The following ERBB4 variants were observed in gnomAD, a reference collection of about 807,000 sequenced individuals.
ERBB4 encodes receptor tyrosine-protein kinase erbB-4.
In ERBB4, 42 loss-of-function variants were observed where a neutral mutation model predicts 158.0. The observed-to-expected ratio is 0.27, with a 90% CI of 0.21 to 0.34. The LOEUF is 0.34. Among genes scored for constraint, ERBB4 ranks in the 10% least tolerant of loss-of-function variants. The pLI is 1.00. For missense variants in ERBB4, 1,333 were observed against 1,624.1 expected, an observed-to-expected ratio of 0.82 and a Z score of 3.08; for synonymous variants, 583 against 558.7, an observed-to-expected ratio of 1.04 and a Z score of -0.61.
intron 18 of ERBB4, among the ~76,000 whole-genome samples, chr2:211,620,168 G>A (rs2069544137): frequency 6.6e-6 from 1 of 152,104 alleles, no homozygotes; most frequent in South Asian, 2.1e-4. Context: ...ATTTTAAAAG[G>A]TGTATTTTCC....
At chr2:211,979,336 G>T (rs1005017148) in intron 2 of ERBB4, among the ~76,000 whole-genome samples, 10 of 152,104 alleles carry the variant, frequency 6.6e-5, no homozygotes, top group African/African-American at 2.4e-4. Flanking sequence ...TGAGCAAATT[G>T]CCTATAGCAA....
At chr2:212,533,073 A>T (rs1692842697) in intron 1 of ERBB4, among the ~76,000 whole-genome samples, 1 of 152,212 alleles carries the variant, frequency 6.6e-6, no homozygotes. Context: ...AATAACCAAC[A>T]ACTCAGAAAA....
intron 1 of ERBB4, among the ~76,000 whole-genome samples, chr2:212,479,854 G>A (rs745573275): frequency 1.1e-4 from 16 of 152,132 alleles, no homozygotes; most frequent in Non-Finnish European, 2.1e-4. Context: ...GAAAGTGAAT[G>A]TCATTTTAAC....
intron 1 of ERBB4, among the ~76,000 whole-genome samples, chr2:212,509,699 T>C (rs1691398168): frequency 6.6e-6 from 1 of 152,028 alleles, no homozygotes; most frequent in African/African-American, 2.4e-5. Flanking sequence ...ATCTTGTTTA[T>C]GAAGCATCTA....
intron 1 of ERBB4, among the ~76,000 whole-genome samples, chr2:212,175,112 C>G (rs1286239934): frequency 6.6e-6 from 1 of 152,024 alleles, no homozygotes; most frequent in African/African-American, 2.4e-5. Context: ...GTCACCATAT[C>G]ATCTCTAAAA....
At chr2:212,512,724 G>A (rs1691594638) in intron 1 of ERBB4, among the ~76,000 whole-genome samples, 1 of 151,964 alleles carries the variant, frequency 6.6e-6, no homozygotes, top group Non-Finnish European at 1.5e-5. Context: ...CATGCACCTT[G>A]ATTATAACAC....
chr2:212,033,954 C>A (rs954852167), intron 2 of ERBB4, among the ~76,000 whole-genome samples: 10 of 151,818 alleles, frequency 6.6e-5, no homozygotes, highest in South Asian at 2.1e-4. Flanking sequence ...AAATCATAAT[C>A]AAAAATGAAT....
intron 3 of ERBB4, among the ~76,000 whole-genome samples, chr2:211,883,612 C>A (rs1191316560): frequency 6.6e-6 from 1 of 151,780 alleles, no homozygotes; most frequent in African/African-American, 2.4e-5. Context: ...TGAAAGAAAC[C>A]CTGTCTCCAC....
In ERBB4 at chr2:212,445,368, C is replaced by T. The variant is rs535996820; in HGVS notation, c.82+93081G>A. Among the ~76,000 whole-genome samples the T allele has an allele frequency of 2.6e-5, 4 of 152,228 alleles. No individual in the cohort carries two copies. In the South Asian group the frequency reaches 8.3e-4, roughly 32 times the overall value. On this transcript the variant is annotated intron_variant, in intron 1 of 27. Transcript: ENST00000342788. ...GATCCACTAGCAAAATTTTTGCTTC[C>T]TGTTCCTGCGGCATTACATTCTGCT...
chr2:211,623,107 G>C (rs896808601), intron 18 of ERBB4, among the ~76,000 whole-genome samples: 3 of 134,004 alleles, frequency 2.2e-5, no homozygotes, highest in Non-Finnish European at 3.1e-5. Flanking sequence ...TTCAGCATTT[G>C]CCCAGAAGAG....
intron 3 of ERBB4, among the ~76,000 whole-genome samples, chr2:211,808,131 T>C (rs1048379413): frequency 2.0e-5 from 3 of 152,240 alleles, no homozygotes; most frequent in African/African-American, 7.2e-5. Flanking sequence ...TTTAGTTTAA[T>C]TAGATCCCAT....
chr2:211,521,224 A>C (rs1480523209), intron 20 of ERBB4, among the ~76,000 whole-genome samples: 1 of 152,166 alleles, frequency 6.6e-6, no homozygotes, highest in Non-Finnish European at 1.5e-5. Flanking sequence ...GAATGCAGAC[A>C]AAGAGTTACT....
At chr2:211,924,143 C>T (rs1168882299) in intron 3 of ERBB4, among the ~76,000 whole-genome samples, 1 of 152,160 alleles carries the variant, frequency 6.6e-6, no homozygotes, top group Non-Finnish European at 1.5e-5. Flanking sequence ...AGACTTGTCC[C>T]TATTAGTCCT....
At chr2:212,030,257 T>G (rs2076871138) in intron 2 of ERBB4, among the ~76,000 whole-genome samples, 1 of 152,104 alleles carries the variant, frequency 6.6e-6, no homozygotes, top group East Asian at 1.9e-4. Flanking sequence ...CCTATTTCAC[T>G]ACCTTTATCC....
In ERBB4 at chr2:212,330,989, A is replaced by G. The variant is rs149569522; in HGVS notation, c.83-206086T>C. ...AATATTTGCAACCAGAAGGATCTGAAGCCAAAGTATGTGCTTTTTCCTGCA... is the reference window on the plus strand; with the variant it reads ...AATATTTGCAACCAGAAGGATCTGAGGCCAAAGTATGTGCTTTTTCCTGCA... On this transcript the variant is annotated intron_variant, in intron 1 of 27. Transcript: ENST00000342788. 2.1e-3 allele frequency among the ~76,000 whole-genome samples: 302 copies of G among 146,562 alleles called. 1 individual carries two copies. Among genetic ancestry groups the G allele is most frequent in the Non-Finnish European group, 3.6e-3 (238 of 66,588 alleles).
At chr2:212,187,841 G>A (rs1299299212) in intron 1 of ERBB4, among the ~76,000 whole-genome samples, 1 of 152,052 alleles carries the variant, frequency 6.6e-6, no homozygotes, top group Non-Finnish European at 1.5e-5. Context: ...AATATTAGAA[G>A]TGATGTTATG....
intron 25 of ERBB4, among the ~76,000 whole-genome samples, chr2:211,406,280 C>A (rs2063146247): frequency 6.6e-6 from 1 of 152,062 alleles, no homozygotes; most frequent in Non-Finnish European, 1.5e-5. Flanking sequence ...AGTGGGAAAC[C>A]ATTAGTTCAG....
intron 19 of ERBB4, among the ~76,000 whole-genome samples, chr2:211,586,122 A>C (rs183758584): frequency 6.6e-5 from 10 of 152,306 alleles, no homozygotes; most frequent in African/African-American, 2.4e-4. Context: ...GCAAAATTAA[A>C]ATTCTAAGAA....
chr2:212,233,578 A>G (rs1205468522), intron 1 of ERBB4, among the ~76,000 whole-genome samples: 1 of 152,174 alleles, frequency 6.6e-6, no homozygotes, highest in South Asian at 2.1e-4. Context: ...CCGATTAGAC[A>G]GATTTATCAT....
Sources: allele counts gnomAD v4.1 joint callset (sites outside exome capture counted in the v4.1 genomes callset), GRCh38; gene constraint gnomAD v4.1.1; transcripts MANE v1.5; gene names NCBI Gene and HGNC (gene_info 2026-07-23, HGNC 2026-07-21).